The following XIRP2 variants were observed in gnomAD, a reference collection of about 807,000 sequenced individuals.
The protein encoded by XIRP2 is xin actin binding repeat containing 2, also known as xin actin-binding repeat-containing protein 2.
XIRP2 carries 236 observed loss-of-function variants against 277.0 expected under a neutral mutation model. The observed-to-expected ratio is 0.85, with a 90% CI of 0.77 to 0.95. The LOEUF is 0.95. Ranked by LOEUF, XIRP2 falls within the 40% of genes least tolerant of loss-of-function variation. The pLI, the probability that XIRP2 is intolerant of heterozygous loss-of-function variation, is 0.00. For missense variants in XIRP2, 4,640 were observed against 4,157.5 expected (o/e 1.12, Z -3.19); for synonymous variants, 1,490 against 1,416.5 (o/e 1.05, Z -1.17).
At chr2:167,019,333 G>A (rs933193472) in intron 2 of XIRP2, among the ~76,000 whole-genome samples, 3 of 151,912 alleles carry the variant, frequency 2.0e-5, no homozygotes, top group African/African-American at 7.2e-5. Context: ...TGATTACAAA[G>A]AATAGCGACC....
At chr2:167,079,263 T>C (rs1393129256) in intron 2 of XIRP2, among the ~76,000 whole-genome samples, 1 of 152,218 alleles carries the variant, frequency 6.6e-6, no homozygotes, top group Non-Finnish European at 1.5e-5. Flanking sequence ...GGTTTACTAA[T>C]ATTTTGTTGG....
intron 3 of XIRP2, among the ~76,000 whole-genome samples, chr2:167,142,344 T>C (rs1306048365): frequency 6.6e-6 from 1 of 152,026 alleles, no homozygotes; most frequent in African/African-American, 2.4e-5. Context: ...AGTCAGGAGT[T>C]TGAGACCAGC....
intron 3 of XIRP2, among the ~76,000 whole-genome samples, chr2:167,155,588 G>C (rs527531225): frequency 1.3e-5 from 2 of 152,184 alleles, no homozygotes; most frequent in Non-Finnish European, 1.5e-5. Context: ...GTATTGATGG[G>C]ACGTATCTCA....
intron 2 of XIRP2, among the ~76,000 whole-genome samples, chr2:167,024,265 G>C (rs1439140773): frequency 3.9e-5 from 6 of 151,992 alleles, no homozygotes; most frequent in African/African-American, 1.5e-4. Flanking sequence ...GTCTGTTATT[G>C]GTGTATAAGA....
At chr2:167,136,180 T>C (rs2105318875) in intron 3 of XIRP2, 118 bp downstream of exon 3, 2 of 1,030,724 alleles carry the variant, frequency 1.9e-6, no homozygotes, top group South Asian at 5.5e-5. Context: ...AATGACTGCA[T>C]ATAGTTTAGG....
At chr2:167,014,523 T>C (rs1347574560) in intron 2 of XIRP2, among the ~76,000 whole-genome samples, 1 of 151,648 alleles carries the variant, frequency 6.6e-6, no homozygotes, top group Non-Finnish European at 1.5e-5. Context: ...GGATAAAATT[T>C]GAAGAAATCT....
chr2:167,080,702 A>C (rs1353880675), intron 2 of XIRP2, among the ~76,000 whole-genome samples: 1 of 152,226 alleles, frequency 6.6e-6, no homozygotes, highest in Non-Finnish European at 1.5e-5. Context: ...ATATTAGTTT[A>C]TGCTTTGGAG....
At position 167,249,641 on chromosome 2, in the gene XIRP2, A is replaced by G; in HGVS notation, c.8249A>G (p.Lys2750Arg). The change falls in exon 9 of 11, where the codon AAA (lysine) becomes AGA (arginine). Residue 2750 changes from lysine to arginine, a missense_variant. By Grantham distance (26) the Lys-to-Arg change is conservative. Coordinates refer to ENST00000409195, the MANE Select transcript of XIRP2 (RefSeq NM_152381.6). ...VQTFTKKQYLKTKKTEASTEC... is the reference protein window; with the variant it reads ...VQTFTKKQYLRTKKTEASTEC... ...ACCTTTACCAAAAAACAATATCTGA[A>G]AACCAAGAAAACTGAAGCAAGCACT... is the stretch of plus-strand genomic sequence containing the variant. 6.2e-7 allele frequency: 1 copy of G among 1,613,644 alleles called. No homozygotes were observed. The highest frequency in any genetic ancestry group is 8.5e-7 in the Non-Finnish European group (1 of 1,179,826).
rs955197724 is a variant in XIRP2 at position 166,905,010 on chromosome 2, A to G, written c.408+1120A>G. Among the ~76,000 whole-genome samples the G allele has an allele frequency of 5.3e-4, 81 of 152,166 alleles. 1 individual carries two copies. The highest frequency in any genetic ancestry group is 1.8e-3 in the African/African-American group (74 of 41,560). The stretch of plus-strand genomic sequence containing the variant: ...TAACTCTAATTTGTTTAATGATAAT[A>G]AGAGATATGAAGTTATATTTATGAG... On this transcript the variant is annotated intron_variant, in intron 2 of 10. Coordinates refer to ENST00000409195, the MANE Select transcript of XIRP2 (RefSeq NM_152381.6).
At chr2:167,030,139 T>C (rs1688300677) in intron 2 of XIRP2, among the ~76,000 whole-genome samples, 1 of 152,142 alleles carries the variant, frequency 6.6e-6, no homozygotes, top group South Asian at 2.1e-4. Context: ...AGTCTATCTA[T>C]TTTGTTAATT....
intron 3 of XIRP2, among the ~76,000 whole-genome samples, chr2:167,175,589 G>T (rs1355865739): frequency 6.6e-6 from 1 of 152,156 alleles, no homozygotes; most frequent in African/African-American, 2.4e-5. Context: ...GCTGGGAGGT[G>T]TCTCCCAGGC....
intron 2 of XIRP2, among the ~76,000 whole-genome samples, chr2:167,013,744 A>G (rs1254681835): frequency 6.6e-6 from 1 of 151,658 alleles, no homozygotes; most frequent in Non-Finnish European, 1.5e-5. Flanking sequence ...TAACTTATAG[A>G]CAGAAATCCC....
intron 2 of XIRP2, among the ~76,000 whole-genome samples, chr2:167,057,211 A>C (rs946307034): frequency 1.3e-5 from 2 of 152,192 alleles, no homozygotes; most frequent in African/African-American, 4.8e-5. Flanking sequence ...ATAATAAAGC[A>C]TGGGAATGAA....
Position 167,196,337 on chromosome 2 carries a change from T to G in XIRP2, c.563-14398T>G, listed in dbSNP as rs894603425. 3.3e-5 allele frequency among the ~76,000 whole-genome samples: 5 copies of G among 150,922 alleles called. 1 individual carries two copies. In the South Asian group the frequency reaches 1.1e-3, roughly 32 times the overall value. ...CGGATGAAGCTGAGATCTGATGGAG[T>G]GTGTGTGGTAAGACAAAAAAAGGAA... On this transcript the variant is annotated intron_variant, in intron 3 of 10. Transcript: ENST00000409195.
At chr2:167,082,866 G>T (rs1689782529) in intron 2 of XIRP2, among the ~76,000 whole-genome samples, 1 of 152,092 alleles carries the variant, frequency 6.6e-6, no homozygotes, top group Non-Finnish European at 1.5e-5. Context: ...TGAGTAGGTT[G>T]TGAACATTTT....
chr2:167,192,914 G>A (rs936906633), intron 3 of XIRP2, among the ~76,000 whole-genome samples: 2 of 152,216 alleles, frequency 1.3e-5, no homozygotes, highest in African/African-American at 2.4e-5. Flanking sequence ...CCTTGACTTC[G>A]CTAGTAGAAA....
intron 3 of XIRP2, among the ~76,000 whole-genome samples, chr2:167,140,487 G>C (rs146595565): frequency 6.6e-6 from 1 of 152,152 alleles, no homozygotes; most frequent in East Asian, 1.9e-4. Flanking sequence ...TAACACCATC[G>C]ACACCATTTG....
At chr2:167,088,644 C>G (rs527911154) in intron 2 of XIRP2, among the ~76,000 whole-genome samples, 1 of 152,280 alleles carries the variant, frequency 6.6e-6, no homozygotes, top group South Asian at 2.1e-4. Context: ...CTTTTCCAGC[C>G]TCTCCATCTG....
At chr2:167,019,577 C>T (rs1429788926) in intron 2 of XIRP2, among the ~76,000 whole-genome samples, 2 of 151,600 alleles carry the variant, frequency 1.3e-5, no homozygotes, top group Non-Finnish European at 2.9e-5. Context: ...ATGTCAAACA[C>T]TCTCAATTAG....
Sources: gnomAD v4.1 joint callset for allele counts (sites outside exome capture counted in the v4.1 genomes callset) on GRCh38, gnomAD v4.1.1 for gene constraint, MANE v1.5 for transcripts, NCBI Gene and HGNC (gene_info 2026-07-23, HGNC 2026-07-21) for gene names.